Variants in IQCM observed in about 807,000 individuals in gnomAD.
The protein encoded by IQCM is IQ motif containing M.
IQCM carries 45 observed loss-of-function variants against 57.6 expected under a neutral mutation model. The ratio of observed to expected loss-of-function variants is 0.78; its 90% CI spans 0.62 to 1.00. The LOEUF (loss-of-function observed/expected upper bound fraction) is 1.00. Among genes scored for constraint, IQCM ranks in the 50% least tolerant of loss-of-function variants. The pLI is 0.00. For synonymous variants in IQCM, 148 were observed against 158.9 expected (o/e 0.93, Z 0.51); for missense variants, 468 against 511.6 (o/e 0.91, Z 0.82).
In IQCM at chr4:149,405,871, C is replaced by CAT. The variant is rs1416070491; in HGVS notation, c.1390+27523_1390+27524dup. ...TATATGCTCCAGATATATCTCTCTC[C>CAT]ATATATATATATATCTTCATATATA... On this transcript the variant is annotated intron_variant, in intron 13 of 13. Coordinates refer to ENST00000636793, the MANE Select transcript of IQCM (RefSeq NM_001363507.2). Among the ~76,000 whole-genome samples the CAT allele has an allele frequency of 4.2e-3, 394 of 93,956 alleles. 4 individuals are homozygous for CAT. Among genetic ancestry groups the CAT allele is most frequent in the African/African-American group, 0.014 (337 of 24,636 alleles). 61.6% of individuals were successfully genotyped at this position (93,956 alleles called of 152,430 possible).
chr4:149,640,863 C>G (rs1269337370), intron 7 of IQCM, among the ~76,000 whole-genome samples: 1 of 152,170 alleles, frequency 6.6e-6, no homozygotes, highest in African/African-American at 2.4e-5. Context: ...CGCAGTGGCT[C>G]ACATCTATAT....
intron 12 of IQCM, among the ~76,000 whole-genome samples, chr4:149,526,505 A>T (rs978606312): frequency 6.6e-6 from 1 of 152,028 alleles, no homozygotes; most frequent in Non-Finnish European, 1.5e-5. Context: ...TCAAAGAGCT[A>T]TAAAAATGTA....
rs76377775 is a variant in IQCM at position 149,573,326 on chromosome 4, A to G, written c.750-9436T>C. Among the ~76,000 whole-genome samples the G allele has an allele frequency of 9.7e-3, 1,479 of 151,834 alleles. 29 individuals are homozygous for G. Among genetic ancestry groups the G allele is most frequent in the African/African-American group, 0.034 (1,404 of 41,466 alleles). ...CTAAGTGTTTCTAAATCAGGAATGG[A>G]TAGGAATCACAACAATTATTTCCAA... On this transcript the variant is annotated intron_variant, in intron 9 of 13. Coordinates refer to ENST00000636793, the MANE Select transcript of IQCM (RefSeq NM_001363507.2).
chr4:149,624,404 C>T (rs1685101112), intron 7 of IQCM, among the ~76,000 whole-genome samples: 1 of 152,118 alleles, frequency 6.6e-6, no homozygotes. Context: ...AATCATTTTT[C>T]AATTTTATTT....
chr4:149,438,516 G>A (rs962565098), intron 12 of IQCM, among the ~76,000 whole-genome samples: 4 of 151,990 alleles, frequency 2.6e-5, no homozygotes, highest in African/African-American at 7.2e-5. Context: ...CACCTTGTCA[G>A]TGTTCAGTTA....
chr4:149,514,186 C>T (rs1744709942), intron 12 of IQCM, among the ~76,000 whole-genome samples: 1 of 152,098 alleles, frequency 6.6e-6, no homozygotes, highest in Non-Finnish European at 1.5e-5. Context: ...TGACCCAAAA[C>T]AAATGAATTA....
chr4:149,594,819 G>C (rs1316254946), intron 8 of IQCM, among the ~76,000 whole-genome samples: 1 of 152,180 alleles, frequency 6.6e-6, no homozygotes, highest in African/African-American at 2.4e-5. Flanking sequence ...TGGTCTGAGA[G>C]ACAGTTTGTT....
intron 7 of IQCM, among the ~76,000 whole-genome samples, chr4:149,650,409 T>G (rs1288973110): frequency 1.3e-5 from 2 of 150,818 alleles, no homozygotes; most frequent in Non-Finnish European, 1.5e-5. Context: ...TCTGGGTTTT[T>G]TTTTTTTTTT....
chr4:149,440,369 G>C (rs1054122831), intron 12 of IQCM, among the ~76,000 whole-genome samples: 2 of 151,798 alleles, frequency 1.3e-5, no homozygotes, highest in African/African-American at 4.8e-5. Flanking sequence ...ATATCCTTAA[G>C]GGGCAGAGGG....
At chr4:149,364,585 T>G (rs1729707882) in intron 13 of IQCM, among the ~76,000 whole-genome samples, 1 of 152,082 alleles carries the variant, frequency 6.6e-6, no homozygotes, top group Admixed American at 6.6e-5. Flanking sequence ...AAGATTGCAT[T>G]GAGGATGTCT....
intron 13 of IQCM, among the ~76,000 whole-genome samples, chr4:149,389,484 T>C (rs951014324): frequency 3.3e-5 from 5 of 151,428 alleles, no homozygotes; most frequent in Admixed American, 6.6e-5. Flanking sequence ...ATAGACTGGA[T>C]TAAGAAAATG....
At chr4:149,391,686 A>G (rs1434070904) in intron 13 of IQCM, among the ~76,000 whole-genome samples, 2 of 151,706 alleles carry the variant, frequency 1.3e-5, no homozygotes, top group African/African-American at 2.4e-5. Context: ...TTTTATTTCC[A>G]TTTGTCTCAA....
At chr4:149,416,678 G>A (rs1245283516) in intron 13 of IQCM, among the ~76,000 whole-genome samples, 1 of 152,070 alleles carries the variant, frequency 6.6e-6, no homozygotes, top group Non-Finnish European at 1.5e-5. Flanking sequence ...CATGAACAGA[G>A]AAATGATATA....
At chr4:149,588,470 T>C (rs1260841373) in intron 8 of IQCM, among the ~76,000 whole-genome samples, 2 of 151,926 alleles carry the variant, frequency 1.3e-5, no homozygotes, top group South Asian at 2.1e-4. Context: ...TGTTATGGAC[T>C]GAACTGTGCT....
chr4:149,760,617 T>A (rs1197966061), intron 2 of IQCM, among the ~76,000 whole-genome samples: 2 of 152,066 alleles, frequency 1.3e-5, no homozygotes, highest in Non-Finnish European at 2.9e-5. Flanking sequence ...GATTATTTTA[T>A]TTAATTTTTA....
intron 12 of IQCM, among the ~76,000 whole-genome samples, chr4:149,516,750 C>T (rs566233539): frequency 1.1e-3 from 168 of 152,066 alleles, no homozygotes; most frequent in African/African-American, 3.9e-3. Context: ...TGTTACATTA[C>T]GTTCTGCTTG....
intron 12 of IQCM, among the ~76,000 whole-genome samples, chr4:149,480,791 T>A (rs1199778999): frequency 6.6e-6 from 1 of 152,226 alleles, no homozygotes; most frequent in Non-Finnish European, 1.5e-5. Context: ...GTGGGAATGC[T>A]GGATCCTATA....
intron 7 of IQCM, among the ~76,000 whole-genome samples, chr4:149,651,453 C>T (rs923701850): frequency 1.3e-5 from 2 of 152,096 alleles, no homozygotes; most frequent in Non-Finnish European, 2.9e-5. Flanking sequence ...AGAATTCATG[C>T]ACATACACAA....
chr4:149,651,381 C>T (rs1172729393), intron 7 of IQCM, among the ~76,000 whole-genome samples: 1 of 152,094 alleles, frequency 6.6e-6, no homozygotes, highest in Admixed American at 6.6e-5. Context: ...AGAAGAGCTA[C>T]TCAACAAAGT....
Sources: allele counts gnomAD v4.1 joint callset (sites outside exome capture counted in the v4.1 genomes callset), GRCh38; gene constraint gnomAD v4.1.1; transcripts MANE v1.5; gene names NCBI Gene and HGNC (gene_info 2026-07-23, HGNC 2026-07-21).